SLC30A7: variants seen among roughly 807,000 people sequenced by gnomAD.
SLC30A7 encodes the protein zinc transporter 7.
A neutral mutation model predicts 46.0 loss-of-function variants in SLC30A7; 35 were observed. The observed-to-expected ratio is 0.76, with a 90% CI of 0.58 to 1.01. The LOEUF is 1.01. SLC30A7 is among the 50% of genes least tolerant of loss of function. The pLI, the probability that SLC30A7 is intolerant of heterozygous loss-of-function variation, is 0.00. For synonymous variants in SLC30A7, 147 were observed against 157.8 expected (o/e 0.93, Z 0.51); for missense variants, 464 against 451.1 (o/e 1.03, Z -0.26).
intron 9 of SLC30A7, among the ~76,000 whole-genome samples, chr1:100,965,059 T>G (rs1362421504): frequency 1.3e-5 from 2 of 152,148 alleles, no homozygotes; most frequent in Non-Finnish European, 2.9e-5. Flanking sequence ...TATGTAAAAA[T>G]CAGAATCTCA....
intron 8 of SLC30A7, among the ~76,000 whole-genome samples, chr1:100,938,486 C>T (rs1654121400): frequency 6.6e-6 from 1 of 152,174 alleles, no homozygotes; most frequent in East Asian, 1.9e-4. Flanking sequence ...TATTAGTTTT[C>T]TGTTGCTGCA....
intron 8 of SLC30A7, among the ~76,000 whole-genome samples, chr1:100,948,702 T>A (rs1654781999): frequency 6.6e-6 from 1 of 152,224 alleles, no homozygotes; most frequent in Non-Finnish European, 1.5e-5. Flanking sequence ...GATTTAGTCT[T>A]TTCACGTAGT....
intron 5 of SLC30A7, among the ~76,000 whole-genome samples, chr1:100,913,454 A>G (rs543472773): frequency 2.6e-5 from 4 of 152,314 alleles, no homozygotes; most frequent in East Asian, 1.9e-4. Flanking sequence ...AGTAAGGTCT[A>G]TCACTTTCCT....
chr1:100,926,922 G>T (rs1260607616), intron 8 of SLC30A7, among the ~76,000 whole-genome samples: 1 of 152,194 alleles, frequency 6.6e-6, no homozygotes, highest in Non-Finnish European at 1.5e-5. Context: ...TCTGCATAGG[G>T]TAATATTGGA....
chr1:100,907,772 A>G (rs12040671), intron 3 of SLC30A7, among the ~76,000 whole-genome samples: 22,917 of 150,540 alleles, frequency 0.15, 2,430 homozygotes, highest in East Asian at 0.55. Context: ...TCTGTCTCTC[A>G]TATTTTCTGT....
chr1:100,905,904 C>T (rs544701388), intron 2 of SLC30A7, among the ~76,000 whole-genome samples: 1 of 152,134 alleles, frequency 6.6e-6, no homozygotes. Flanking sequence ...ACTGTTGTAG[C>T]TCTTAACAAT....
chr1:100,973,230 G>A (rs1656257231), intron 10 of SLC30A7, among the ~76,000 whole-genome samples: 1 of 152,004 alleles, frequency 6.6e-6, no homozygotes, highest in Non-Finnish European at 1.5e-5. Context: ...AAAAAGCCAA[G>A]CTAGGAAACA....
intron 8 of SLC30A7, among the ~76,000 whole-genome samples, chr1:100,947,698 T>C (rs1654723561): frequency 6.6e-6 from 1 of 152,190 alleles, no homozygotes; most frequent in African/African-American, 2.4e-5. Context: ...TTTGTAGGTC[T>C]CTAAGGACTT....
rs558341083 is a variant in SLC30A7, at chr1:100,918,733, G to A, written c.706+606G>A. Among the ~76,000 whole-genome samples the A allele has an allele frequency of 1.2e-3, 178 of 152,236 alleles. 1 individual carries two copies. The highest frequency in any genetic ancestry group is 4.1e-3 in the African/African-American group (170 of 41,556). On this transcript the variant is annotated intron_variant, in intron 7 of 10. Coordinates refer to ENST00000357650, the MANE Select transcript of SLC30A7 (RefSeq NM_133496.5). ...AACACAAAGCCTATTTTATAATAAA[G>A]TGTTGAATATCTCATGTAATTTATT...
intron 8 of SLC30A7, among the ~76,000 whole-genome samples, chr1:100,926,579 C>T (rs1653320666): frequency 6.6e-6 from 1 of 152,192 alleles, no homozygotes; most frequent in Non-Finnish European, 1.5e-5. Context: ...TACAATTCAG[C>T]ATGAGTTTTG....
intron 8 of SLC30A7, chr1:100,941,603 T>G: frequency 1.7e-6 from 1 of 586,924 alleles, no homozygotes; most frequent in South Asian, 1.4e-5. Flanking sequence ...TCTTAGGTGA[T>G]GTTCTTCAGT....
intron 8 of SLC30A7, among the ~76,000 whole-genome samples, chr1:100,958,888 A>AT: frequency 6.6e-6 from 1 of 152,178 alleles, no homozygotes; most frequent in Non-Finnish European, 1.5e-5. Flanking sequence ...GGTAGCACAG[A>AT]TTTTTTTCAT....
chr1:100,988,003 T>C, the SLC30A7 span, among the ~76,000 whole-genome samples: 1 of 152,216 alleles, frequency 6.6e-6, no homozygotes, highest in Non-Finnish European at 1.5e-5. Context: ...TGTCTTCTAT[T>C]GCAATAGAAA....
At chr1:100,914,681 T>C (rs1056326254) in intron 6 of SLC30A7, among the ~76,000 whole-genome samples, 2 of 152,214 alleles carry the variant, frequency 1.3e-5, no homozygotes, top group Non-Finnish European at 2.9e-5. Flanking sequence ...GGTGACACAA[T>C]TTGATTACTC....
chr1:100,973,995 C>G (rs1656310720), intron 10 of SLC30A7, among the ~76,000 whole-genome samples: 1 of 152,070 alleles, frequency 6.6e-6, no homozygotes, highest in Non-Finnish European at 1.5e-5. Context: ...TTTTAGACAG[C>G]AAATATGGAT....
At chr1:100,913,432 A>C (rs189462020) in intron 5 of SLC30A7, among the ~76,000 whole-genome samples, 13 of 152,128 alleles carry the variant, frequency 8.5e-5, no homozygotes, top group Non-Finnish European at 1.5e-4. Context: ...GTCAGTACTT[A>C]TTTTCATTTC....
At chr1:100,932,079 A>G (rs1653692782) in intron 8 of SLC30A7, among the ~76,000 whole-genome samples, 1 of 152,172 alleles carries the variant, frequency 6.6e-6, no homozygotes, top group African/African-American at 2.4e-5. Flanking sequence ...TCAGAGTGTT[A>G]TTCCTTTTCC....
chr1:100,930,672 A>G (rs777340758), intron 8 of SLC30A7, among the ~76,000 whole-genome samples: 28 of 152,000 alleles, frequency 1.8e-4, no homozygotes, highest in African/African-American at 6.3e-4. Context: ...TTCCCTAACA[A>G]TTTCCTTTGT....
rs1276582863 is a variant in SLC30A7, at chr1:100,906,888, C to T, written c.219C>T (p.Phe73=). ...GLISDSFHMF[F]DSTAILAGLA... Reference sequence around the variant, plus strand: ...TTTCCGACTCTTTTCACATGTTTTTCGATAGCACTGCCATTTTGGCTGGAC... The same window carrying T: ...TTTCCGACTCTTTTCACATGTTTTTTGATAGCACTGCCATTTTGGCTGGAC... The change falls in exon 3 of 11, where the codon TTC becomes TTT. Residue 73 remains phenylalanine, a synonymous_variant. Coordinates refer to ENST00000357650, the MANE Select transcript of SLC30A7 (RefSeq NM_133496.5). 7.4e-6 allele frequency: 12 copies of T among 1,613,138 alleles called. No individual in the cohort carries two copies. Among genetic ancestry groups the T allele is most frequent in the East Asian group, 2.2e-5 (1 of 44,836 alleles).
Sources: gnomAD v4.1 joint callset for allele counts (sites outside exome capture counted in the v4.1 genomes callset) on GRCh38, gnomAD v4.1.1 for gene constraint, MANE v1.5 for transcripts, NCBI Gene and HGNC (gene_info 2026-07-23, HGNC 2026-07-21) for gene names.